Variants in NRXN1 observed in about 807,000 individuals in gnomAD.
NRXN1 encodes the protein neurexin 1, also known as neurexin-1.
Under a neutral mutation model 150.9 loss-of-function variants are expected in NRXN1, and 39 were observed. That is an observed-to-expected ratio of 0.26 (90% confidence interval 0.20 to 0.34). NRXN1 has a LOEUF of 0.34. Ranked by LOEUF, NRXN1 falls within the 10% of genes least tolerant of loss-of-function variation. The probability of loss-of-function intolerance (pLI) is 1.00; values close to 1 mark genes in which losing one functional copy is unlikely to be tolerated. For synonymous variants in NRXN1, 924 were observed against 757.0 expected (o/e 1.22, Z -3.62); for missense variants, 1,815 against 1,949.9 (o/e 0.93, Z 1.30).
At chr2:49,947,104 G>A (rs762682419) in intron 21 of NRXN1, among the ~76,000 whole-genome samples, 5 of 152,086 alleles carry the variant, frequency 3.3e-5, no homozygotes, top group Admixed American at 1.3e-4. Flanking sequence ...CCCTCCAGAG[G>A]AGATAATCAG....
At chr2:50,459,810 A>T (rs534023460) in intron 17 of NRXN1, among the ~76,000 whole-genome samples, 1 of 152,248 alleles carries the variant, frequency 6.6e-6, no homozygotes, top group South Asian at 2.1e-4. Context: ...CTTTTGGTAC[A>T]TCATTTTTAG....
intron 21 of NRXN1, chr2:49,969,981 A>G (rs1179596731): frequency 6.6e-6 from 1 of 152,112 alleles, no homozygotes; most frequent in Non-Finnish European, 1.5e-5. Context: ...AGGGGGAACA[A>G]AGGTGAGAGC....
chr2:50,750,684 C>T (rs1700500355), intron 5 of NRXN1, among the ~76,000 whole-genome samples: 1 of 152,012 alleles, frequency 6.6e-6, no homozygotes, highest in African/African-American at 2.4e-5. Context: ...CTTAGTCTAG[C>T]ACCACCACCA....
chr2:50,894,148 G>A (rs1218693650), intron 5 of NRXN1, among the ~76,000 whole-genome samples: 1 of 151,842 alleles, frequency 6.6e-6, no homozygotes, highest in Non-Finnish European at 1.5e-5. Flanking sequence ...TAGATGACGA[G>A]TTAGTGGGTG....
At chr2:50,302,101 T>C (rs1390264761) in intron 17 of NRXN1, among the ~76,000 whole-genome samples, 1 of 106,322 alleles carries the variant, frequency 9.4e-6, no homozygotes, top group South Asian at 2.9e-4. Flanking sequence ...AATGAAGATA[T>C]GTAGGAAAAA....
intron 2 of NRXN1, among the ~76,000 whole-genome samples, chr2:50,945,536 A>G (rs1403177265): frequency 7.4e-6 from 1 of 134,822 alleles, no homozygotes; most frequent in African/African-American, 2.8e-5. Flanking sequence ...ATATATATAT[A>G]TGGCTATGTT....
At chr2:50,084,832 G>C (rs1019999388) in intron 19 of NRXN1, among the ~76,000 whole-genome samples, 4 of 152,184 alleles carry the variant, frequency 2.6e-5, no homozygotes, top group Admixed American at 2.6e-4. Flanking sequence ...AAGAACAAGT[G>C]AGAAGTCTGA....
chr2:50,654,871 C>T (rs191325227), intron 5 of NRXN1, among the ~76,000 whole-genome samples: 1 of 151,978 alleles, frequency 6.6e-6, no homozygotes, highest in Admixed American at 6.6e-5. Context: ...TAATCAGTAG[C>T]CAATATAGTG....
intron 5 of NRXN1, among the ~76,000 whole-genome samples, chr2:50,800,712 G>C (rs1242283296): frequency 1.3e-5 from 2 of 152,070 alleles, no homozygotes; most frequent in African/African-American, 4.8e-5. Flanking sequence ...ACCACGCCTA[G>C]CTAATTTTTG....
chr2:50,882,213 C>T (rs931535804), intron 5 of NRXN1, among the ~76,000 whole-genome samples: 1 of 151,852 alleles, frequency 6.6e-6, no homozygotes, highest in Non-Finnish European at 1.5e-5. Context: ...TTTTCAGTTA[C>T]ACATATACTT....
At chr2:50,887,231 T>C (rs1024113727) in intron 5 of NRXN1, among the ~76,000 whole-genome samples, 15 of 151,534 alleles carry the variant, frequency 9.9e-5, no homozygotes, top group African/African-American at 3.1e-4. Flanking sequence ...AAAGAAAATT[T>C]TGCATCTCTC....
intron 18 of NRXN1, among the ~76,000 whole-genome samples, chr2:50,190,245 T>C (rs2061359981): frequency 6.6e-6 from 1 of 152,194 alleles, no homozygotes; most frequent in Non-Finnish European, 1.5e-5. Context: ...ATATTTCAAC[T>C]ATGAAAAGTT....
chr2:50,639,995 T>A (rs1300770576), intron 5 of NRXN1, among the ~76,000 whole-genome samples: 1 of 152,148 alleles, frequency 6.6e-6, no homozygotes, highest in Non-Finnish European at 1.5e-5. Flanking sequence ...TAAATACACA[T>A]CACAATCTTG....
chr2:50,373,333 T>C (rs948238710), intron 17 of NRXN1, among the ~76,000 whole-genome samples: 220 of 83,794 alleles, frequency 2.6e-3, no homozygotes, highest in African/African-American at 0.013. Context: ...TATTATTATT[T>C]TGCCTCAGAT....
intron 17 of NRXN1, among the ~76,000 whole-genome samples, chr2:50,428,798 T>G (rs1217638483): frequency 6.6e-6 from 1 of 152,204 alleles, no homozygotes; most frequent in Non-Finnish European, 1.5e-5. Context: ...TCATTTAATG[T>G]GCACAAAAAT....
intron 22 of NRXN1, among the ~76,000 whole-genome samples, chr2:49,936,714 A>G (rs1304626937): frequency 7.0e-6 from 1 of 142,608 alleles, no homozygotes; most frequent in East Asian, 2.2e-4. Flanking sequence ...AGCAACCATT[A>G]TATTGTTAAA....
chr2:50,493,790 C>A (rs1381161683), intron 15 of NRXN1, among the ~76,000 whole-genome samples: 1 of 152,218 alleles, frequency 6.6e-6, no homozygotes. Context: ...TTATTCTATA[C>A]TAATGATTAG....
At chr2:50,895,719 T>C (rs1030456629) in intron 5 of NRXN1, among the ~76,000 whole-genome samples, 4 of 151,918 alleles carry the variant, frequency 2.6e-5, no homozygotes, top group Admixed American at 2.0e-4. Context: ...TAGCTGGGAT[T>C]ACAGGAGTGC....
At chr2:50,868,822 C>T (rs914322445) in intron 5 of NRXN1, among the ~76,000 whole-genome samples, 2 of 151,790 alleles carry the variant, frequency 1.3e-5, no homozygotes, top group African/African-American at 2.4e-5. Context: ...CCCCATCTCT[C>T]TGTATACACT....
Sources: gnomAD v4.1 joint callset for allele counts (sites outside exome capture counted in the v4.1 genomes callset) on GRCh38, gnomAD v4.1.1 for gene constraint, MANE v1.5 for transcripts, NCBI Gene and HGNC (gene_info 2026-07-23, HGNC 2026-07-21) for gene names.